NUP93: variants seen among roughly 807,000 people sequenced by gnomAD.
NUP93 encodes the protein nuclear pore complex protein Nup93.
A neutral mutation model predicts 107.8 loss-of-function variants in NUP93; 55 were observed. The observed-to-expected ratio is 0.51, with a 90% CI of 0.41 to 0.64. The LOEUF is 0.64. NUP93 is among the 30% of genes least tolerant of loss of function. The pLI is 0.00. For missense variants in NUP93, 937 were observed against 1,044.7 expected (o/e 0.90, Z 1.42); for synonymous variants, 390 against 397.5 (o/e 0.98, Z 0.22).
At chr16:56,794,020 A>C (rs1267200767) in intron 3 of NUP93, among the ~76,000 whole-genome samples, 2 of 151,892 alleles carry the variant, frequency 1.3e-5, no homozygotes, top group Admixed American at 6.6e-5. Flanking sequence ...ACGCCACTGC[A>C]CTCTAGCCTG....
intron 4 of NUP93, 101 bp downstream of exon 4, chr16:56,798,639 A>G (rs887988204): frequency 5.1e-5 from 48 of 942,462 alleles, no homozygotes; most frequent in Admixed American, 3.2e-4. Flanking sequence ...AGGCTGATGC[A>G]GGAAGTTCGC....
chr16:56,840,861 G>A (rs1249129388), intron 20 of NUP93, among the ~76,000 whole-genome samples: 2 of 152,148 alleles, frequency 1.3e-5, no homozygotes, highest in Non-Finnish European at 2.9e-5. Context: ...GCCGGGCGTG[G>A]TGACGCATAC....
At chr16:56,836,113 A>G (rs1963904278) in intron 16 of NUP93, among the ~76,000 whole-genome samples, 1 of 149,092 alleles carries the variant, frequency 6.7e-6, no homozygotes, top group South Asian at 2.1e-4. Context: ...TGGGAGACAG[A>G]GCAAGACTCT....
intron 3 of NUP93, among the ~76,000 whole-genome samples, chr16:56,768,563 C>T (rs1303412087): frequency 7.1e-6 from 1 of 140,142 alleles, no homozygotes; most frequent in Admixed American, 7.3e-5. Flanking sequence ...AACTCTGTCT[C>T]AAAAAAAAAA....
chr16:56,811,019 T>A (rs1312944718), intron 5 of NUP93, among the ~76,000 whole-genome samples: 1 of 152,250 alleles, frequency 6.6e-6, no homozygotes, highest in Non-Finnish European at 1.5e-5. Flanking sequence ...TTATCCATTC[T>A]AGTATTGGTG....
intron 5 of NUP93, among the ~76,000 whole-genome samples, chr16:56,817,129 A>G (rs1963450300): frequency 6.6e-6 from 1 of 152,164 alleles, no homozygotes; most frequent in East Asian, 1.9e-4. Flanking sequence ...TTTTAATACC[A>G]GTGATAGCTG....
intron 3 of NUP93, among the ~76,000 whole-genome samples, chr16:56,786,826 CAG>C (rs1383414882): frequency 2.0e-5 from 3 of 152,194 alleles, no homozygotes; most frequent in Admixed American, 1.3e-4. Flanking sequence ...TCCTGCAGGG[CAG>C]AGTCTCCCCT....
intron 20 of NUP93, among the ~76,000 whole-genome samples, chr16:56,840,339 C>T (rs528765193): frequency 2.0e-5 from 3 of 152,284 alleles, no homozygotes; most frequent in African/African-American, 4.8e-5. Context: ...TGTCTAAAGA[C>T]GCAAGTGCAG....
chr16:56,797,974 G>T (rs1275995923), intron 3 of NUP93, among the ~76,000 whole-genome samples: 1 of 152,208 alleles, frequency 6.6e-6, no homozygotes, highest in Non-Finnish European at 1.5e-5. Context: ...ATGGCAAAAC[G>T]CTGGAAGAAA....
chr16:56,746,389 T>A (rs1366693890), intron 1 of NUP93, among the ~76,000 whole-genome samples: 1 of 152,200 alleles, frequency 6.6e-6, no homozygotes, highest in African/African-American at 2.4e-5. Flanking sequence ...CTCATCTCCA[T>A]TTTCTCACAA....
Position 56,818,698 on chromosome 16 carries a change from G to T in NUP93, c.524G>T (p.Arg175Leu), listed in dbSNP as rs764790250. ...ATCAGTGATGTGGGACCCCCTGGTC[G>T]AAGCTCTCTGGATAACATCGAGATG... ...SYISDVGPPG[R>L]SSLDNIEMAY... Residue 175 changes from arginine (R) to leucine (L), a missense_variant, in exon 6 of 22, where the codon CGA (arginine) becomes CTA (leucine). Arg to Leu is a moderately radical substitution (Grantham distance 102, BLOSUM62 -2). Transcript: ENST00000308159. 6 of 1,614,148 alleles carry T rather than the reference G, an allele frequency of 3.7e-6. No homozygotes were observed. The highest frequency in any genetic ancestry group is 5.1e-6 in the Non-Finnish European group (6 of 1,179,996).
intron 3 of NUP93, among the ~76,000 whole-genome samples, chr16:56,780,162 GT>G (rs1200238312): frequency 1.3e-5 from 2 of 152,182 alleles, no homozygotes; most frequent in African/African-American, 4.8e-5. Context: ...TTTCTCAGCT[GT>G]TAGTGGTACC....
chr16:56,815,185 AC>A (rs1317750807), intron 5 of NUP93, among the ~76,000 whole-genome samples: 1 of 145,944 alleles, frequency 6.9e-6, no homozygotes, highest in Non-Finnish European at 1.5e-5. Flanking sequence ...TTTAGCTACA[AC>A]AACTGTGTCC....
At chr16:56,797,268 T>C (rs1962921621) in intron 3 of NUP93, among the ~76,000 whole-genome samples, 1 of 152,226 alleles carries the variant, frequency 6.6e-6, no homozygotes, top group Non-Finnish European at 1.5e-5. Context: ...ATTTTAGACA[T>C]GTATAAATGC....
At chr16:56,822,444 C>G (rs1303786707) in intron 7 of NUP93, among the ~76,000 whole-genome samples, 1 of 150,386 alleles carries the variant, frequency 6.6e-6, no homozygotes, top group Non-Finnish European at 1.5e-5. Flanking sequence ...TCCGGGGGGG[C>G]CCAGGCTGCA....
chr16:56,835,177 A>G (rs548952477), intron 16 of NUP93, among the ~76,000 whole-genome samples: 1 of 152,342 alleles, frequency 6.6e-6, no homozygotes, highest in South Asian at 2.1e-4. Flanking sequence ...TTCAAAATGC[A>G]GTTTCCAAGG....
intron 10 of NUP93, 140 bp downstream of exon 10, chr16:56,830,825 A>G: frequency 1.4e-6 from 1 of 714,830 alleles, no homozygotes; most frequent in South Asian, 2.9e-5. Context: ...GAAAGCAAAT[A>G]GAACTCTCTT....
At chr16:56,790,096 T>TCAAAACAAAACAAAACAAAA (rs57242557) in intron 3 of NUP93, among the ~76,000 whole-genome samples, 32 of 149,322 alleles carry the variant, frequency 2.1e-4, no homozygotes, top group Middle Eastern at 3.4e-3. Context: ...AAACTCCATC[T>TCAAAACAAAACAAAACAAAA]CAAAACAAAA....
rs1234709924 is a variant in NUP93, at chr16:56,817,181, G to T, written c.490-1483G>T. 2.0e-5 allele frequency among the ~76,000 whole-genome samples: 3 copies of T among 152,290 alleles called. 1 individual carries two copies. The highest frequency in any genetic ancestry group is 2.0e-4 in the Admixed American group (3 of 15,302). On this transcript the variant is annotated intron_variant, in intron 5 of 21. Transcript: ENST00000308159. ...GGACCTCTCAAGATCACCTAGGATA[G>T]CCCCTTCATTTGACTAATGGGAATC...
Sources: gnomAD v4.1 joint callset for allele counts (sites outside exome capture counted in the v4.1 genomes callset) on GRCh38, gnomAD v4.1.1 for gene constraint, MANE v1.5 for transcripts, NCBI Gene and HGNC (gene_info 2026-07-23, HGNC 2026-07-21) for gene names.